The following PLEKHH1 variants were observed in gnomAD, a reference collection of about 807,000 sequenced individuals.
PLEKHH1 encodes the protein pleckstrin homology, MyTH4 and FERM domain containing H1.
PLEKHH1 carries 104 observed loss-of-function variants against 160.0 expected under a neutral mutation model. The observed-to-expected ratio is 0.65, with a 90% confidence interval of 0.55 to 0.76. The LOEUF (loss-of-function observed/expected upper bound fraction) is 0.76, where lower values mean the gene tolerates loss of function less well. Ranked by LOEUF, PLEKHH1 falls within the 30% of genes least tolerant of loss-of-function variation. PLEKHH1 has a pLI of 0.00. For missense variants in PLEKHH1, 1,427 were observed against 1,724.1 expected, an observed-to-expected ratio of 0.83 and a Z score of 3.05; for synonymous variants, 619 against 678.4, an observed-to-expected ratio of 0.91 and a Z score of 1.36.
At chr14:67,555,684 T>A in intron 2 of PLEKHH1, 141 bp from the exon 3 acceptor site, 1 of 1,229,282 alleles carries the variant, frequency 8.1e-7, no homozygotes. Context: ...ATCCTTACCC[T>A]GACACTCTCG....
rs1022186961 is a variant in PLEKHH1 at position 67,578,957 on chromosome 14, C to T, written c.2850-177C>T. Among the ~76,000 whole-genome samples the T allele has an allele frequency of 2.0e-5, 3 of 152,196 alleles. No individual in the cohort carries two copies. Among genetic ancestry groups the T allele is most frequent in the African/African-American group, 7.2e-5 (3 of 41,444 alleles). ...AGAAGAAAATATCCATGCCAGCAACCTGCTATATAAAGGTCCTGAATGACA... is the reference window on the plus strand; with the variant it reads ...AGAAGAAAATATCCATGCCAGCAACTTGCTATATAAAGGTCCTGAATGACA... On this transcript the variant is annotated intron_variant, in intron 20 of 28. Coordinates refer to ENST00000329153, the MANE Select transcript of PLEKHH1 (RefSeq NM_020715.3). This position sits in a 1 kb window ranked among gnomAD's most constrained non-coding sequence, Gnocchi z 5.0.
chr14:67,569,308 C>T, intron 8 of PLEKHH1, 92 bp downstream of exon 8: 1 of 901,348 alleles, frequency 1.1e-6, no homozygotes, highest in Non-Finnish European at 1.8e-6. Flanking sequence ...ACACCCAGGG[C>T]CAGGGTTGGC....
chr14:67,554,683 G>A (rs375441332), intron 2 of PLEKHH1, among the ~76,000 whole-genome samples: 5 of 152,156 alleles, frequency 3.3e-5, no homozygotes, highest in African/African-American at 1.2e-4. Flanking sequence ...GACATCTAAC[G>A]CACACTTCAC....
In PLEKHH1 at chr14:67,541,989, ACAAGGTGAGTCCCTCAGAG is replaced by A; in HGVS notation, c.125_126+17del. The A allele has an allele frequency of 6.2e-7, 1 of 1,604,558 alleles. No individual in the cohort carries two copies. The highest frequency in any genetic ancestry group is 8.5e-7 in the Non-Finnish European group (1 of 1,176,058). ...AGCAAGATAAGGGAGCTGCTGGCTG[ACAAGGTGAGTCCCTCAGAG>A]CAGGGAGCTGCCTCTCCACACGCAG... is the stretch of plus-strand genomic sequence containing the variant. On this transcript the variant is annotated splice_donor_variant and splice_donor_5th_base_variant and coding_sequence_variant and intron_variant, in exon 2 of 29. Transcript: ENST00000329153. LOFTEE classifies it high-confidence loss of function.
rs1434153928 is a variant in PLEKHH1, at chr14:67,562,173, C to A, written c.542C>A (p.Pro181His). ...GCTCCTTCACGGAAGCTGCTGGTGC[C>A]CCCCTACGGAGCTGCAGAGCAGGAT... Reference protein sequence around the residue: ...QIAPSRKLLVPPYGAAEQDSV... With the variant: ...QIAPSRKLLVHPYGAAEQDSV... Residue 181 changes from proline to histidine, a missense_variant, in exon 7 of 29, where the codon CCC becomes CAC. Around this residue, in one of 6 missense-constraint regions of PLEKHH1, gnomAD observed 831 missense variants for 929.2 expected, o/e 0.89. Transcript: ENST00000329153. The A allele has an allele frequency of 1.2e-6, 2 of 1,611,146 alleles. No homozygotes were observed. Among genetic ancestry groups the A allele is most frequent in the East Asian group, 4.5e-5 (2 of 44,798 alleles).
Position 67,536,019 on chromosome 14 carries a change from C to T in PLEKHH1, c.-35+2621C>T, listed in dbSNP as rs147222268. On this transcript the variant is annotated intron_variant, in intron 1 of 28. Transcript: ENST00000329153. Reference sequence around the variant, plus strand: ...CACAGGATTATTTAGTGCCTGAGCTCGTATTCAAACCCAGGCCTGTCAGTG... The same window carrying T: ...CACAGGATTATTTAGTGCCTGAGCTTGTATTCAAACCCAGGCCTGTCAGTG... Among the ~76,000 whole-genome samples the T allele has an allele frequency of 2.4e-3, 371 of 152,284 alleles. 1 individual carries two copies. The highest frequency in any genetic ancestry group is 7.7e-3 in the African/African-American group (322 of 41,550).
chr14:67,553,502 C>T (rs1279550915), intron 2 of PLEKHH1, among the ~76,000 whole-genome samples: 1 of 152,168 alleles, frequency 6.6e-6, no homozygotes, highest in Non-Finnish European at 1.5e-5. Context: ...GGTTTGTGCA[C>T]CTTCTCCAGG....
intron 10 of PLEKHH1, 74 bp from the exon 11 acceptor site, chr14:67,572,061 G>C (rs2035406581): frequency 6.5e-7 from 1 of 1,527,014 alleles, no homozygotes; most frequent in African/African-American, 1.4e-5. Context: ...GGGTGGTCAA[G>C]TCTCAGCAGC....
At chr14:67,583,720 C>T in intron 24 of PLEKHH1, 21 bp from the exon 25 acceptor site, 1 of 1,603,832 alleles carries the variant, frequency 6.2e-7, no homozygotes, top group Non-Finnish European at 8.5e-7. Context: ...TGACTGGTCT[C>T]TTCATATGCT....
chr14:67,550,158 T>TTAAAA (rs570006585), intron 2 of PLEKHH1, among the ~76,000 whole-genome samples: 1 of 145,206 alleles, frequency 6.9e-6, no homozygotes, highest in Non-Finnish European at 1.5e-5. Flanking sequence ...GATCTGTTGC[T>TTAAAA]AAAAAAAAAA....
Position 67,582,283 on chromosome 14 carries a change from C to T in PLEKHH1, c.3426+73C>T, listed in dbSNP as rs1001266919. On this transcript the variant is annotated intron_variant, in intron 24 of 28. Coordinates refer to ENST00000329153, the MANE Select transcript of PLEKHH1 (RefSeq NM_020715.3). The surrounding 1 kb of genome is among the most constrained non-coding windows in gnomAD (Gnocchi z 5.0). ...TGAATGCACCATGCAGCCTGAAACA[C>T]AGGAGAGATTCTGCAGATCCTGTGG... 3.1e-6 allele frequency: 5 copies of T among 1,606,982 alleles called. No homozygotes were observed. The Admixed American group carries it at 6.8e-5, about 22-fold the overall frequency.
In PLEKHH1 at chr14:67,572,173, G is replaced by A. The variant is rs369122900; in HGVS notation, c.1624G>A (p.Ala542Thr). The A allele has an allele frequency of 1.4e-4, 232 of 1,607,480 alleles. 1 individual carries two copies. The highest frequency in any genetic ancestry group is 3.3e-4 in the Middle Eastern group (2 of 6,072). The change falls in exon 11 of 29, where the codon GCC becomes ACC. Residue 542 changes from alanine (A) to threonine (T), a missense_variant. Physicochemically the swap from Ala to Thr is moderately conservative, Grantham distance 58. Coordinates refer to ENST00000329153, the MANE Select transcript of PLEKHH1 (RefSeq NM_020715.3). ...CTCACTGAGCTCCGAGGGTGACTAC[G>A]CCATCCCCCCGGACGCCTGCTCACT... ...MSSLSSEGDYAIPPDACSLDS... is the reference protein window; with the variant it reads ...MSSLSSEGDYTIPPDACSLDS...
intron 2 of PLEKHH1, among the ~76,000 whole-genome samples, chr14:67,546,605 G>A (rs1341243435): frequency 6.6e-6 from 1 of 152,138 alleles, no homozygotes; most frequent in East Asian, 1.9e-4. Context: ...GGTCAGGCTG[G>A]TCTTGAACTC....
At position 67,589,372 on chromosome 14, in the gene PLEKHH1, C is replaced by T. The variant is rs2036295590; in HGVS notation, c.*2137C>T. 2 of 984,654 alleles carry T rather than the reference C, an allele frequency of 2.0e-6. No homozygotes were observed. The highest frequency in any genetic ancestry group is 2.4e-6 in the Non-Finnish European group (2 of 829,308). 61.0% of individuals were successfully genotyped at this position (984,654 alleles called of 1,614,324 possible). A position where few individuals can be genotyped will look rare whatever the true frequency, so the allele number is the denominator to read the frequency against. Reference sequence around the variant, plus strand: ...AGTCCCATGTCTGAAAACCAAAGTCCAATTTCTGTCTGGCCTTTTGTCTCA... The same window carrying T: ...AGTCCCATGTCTGAAAACCAAAGTCTAATTTCTGTCTGGCCTTTTGTCTCA... On this transcript the variant is annotated 3_prime_UTR_variant, in exon 29 of 29. Transcript: ENST00000329153.
At chr14:67,563,625 G>T (rs2034946729) in intron 7 of PLEKHH1, among the ~76,000 whole-genome samples, 1 of 151,312 alleles carries the variant, frequency 6.6e-6, no homozygotes, top group Non-Finnish European at 1.5e-5. Flanking sequence ...TAGAGGCAGG[G>T]TTTCACCATG....
At chr14:67,566,341 A>C (rs1050064855) in intron 7 of PLEKHH1, among the ~76,000 whole-genome samples, 1 of 152,086 alleles carries the variant, frequency 6.6e-6, no homozygotes, top group African/African-American at 2.4e-5. Flanking sequence ...CCAAATGCAG[A>C]GGTTGGGAGC....
rs766165197 is a variant in PLEKHH1, at chr14:67,555,931, C to G, written c.189+44C>G. On this transcript the variant is annotated intron_variant, in intron 3 of 28. Coordinates refer to ENST00000329153, the MANE Select transcript of PLEKHH1 (RefSeq NM_020715.3). ...CGGCGGGAATATGCAGGGGAATGAC[C>G]GTCGGCCCTTCCAGGCCCTTCCCAC... 6 of 1,602,020 alleles carry G rather than the reference C, an allele frequency of 3.7e-6. No individual in the cohort carries two copies. In the African/African-American group the frequency reaches 5.4e-5, roughly 14 times the overall value.
chr14:67,535,411 C>T (rs1345222024), intron 1 of PLEKHH1, among the ~76,000 whole-genome samples: 2 of 114,206 alleles, frequency 1.8e-5, no homozygotes, highest in African/African-American at 3.5e-5. Flanking sequence ...GCCAGAGTCT[C>T]GCTCTGTTGC....
At chr14:67,543,341 G>A (rs1424554248) in intron 2 of PLEKHH1, among the ~76,000 whole-genome samples, 1 of 152,192 alleles carries the variant, frequency 6.6e-6, no homozygotes, top group Non-Finnish European at 1.5e-5. Context: ...CTTGAACCTT[G>A]GGTCTGTTGA....
Sources: allele counts gnomAD v4.1 joint callset (sites outside exome capture counted in the v4.1 genomes callset), GRCh38; gene constraint gnomAD v4.1.1; regional missense constraint gnomAD v4.1.1; non-coding constraint Gnocchi (gnomAD v3.1); transcripts MANE v1.5; gene names NCBI Gene and HGNC (gene_info 2026-07-23, HGNC 2026-07-21).